Variants in TGFBRAP1 observed in about 807,000 individuals in gnomAD.
TGFBRAP1 encodes transforming growth factor-beta receptor-associated protein 1.
TGFBRAP1 carries 20 observed loss-of-function variants against 83.2 expected under a neutral mutation model. That is an observed-to-expected ratio of 0.24 (90% CI 0.17 to 0.35). The LOEUF (loss-of-function observed/expected upper bound fraction) is 0.35, where lower values mean the gene tolerates loss of function less well. TGFBRAP1 is among the 10% of genes least tolerant of loss of function. The pLI is 1.00. For missense variants in TGFBRAP1, 950 were observed against 1,099.4 expected (o/e 0.86, Z 1.92); for synonymous variants, 415 against 459.8 (o/e 0.90, Z 1.25).
chr2:105,301,745 T>G (rs1304024310), intron 2 of TGFBRAP1, among the ~76,000 whole-genome samples: 11 of 152,180 alleles, frequency 7.2e-5, no homozygotes. Flanking sequence ...TTTTTCTTTT[T>G]GAGATGGGGT....
intron 6 of TGFBRAP1, among the ~76,000 whole-genome samples, chr2:105,278,998 T>C (rs1677440872): frequency 6.6e-6 from 1 of 152,130 alleles, no homozygotes. Flanking sequence ...CCAGGGTCTC[T>C]GTGGGAGTTC....
intron 5 of TGFBRAP1, among the ~76,000 whole-genome samples, chr2:105,284,105 C>A (rs551741835): frequency 6.6e-6 from 1 of 152,150 alleles, no homozygotes; most frequent in Non-Finnish European, 1.5e-5. Flanking sequence ...CACTCTAAGA[C>A]ATAGGCCAGT....
the TGFBRAP1 span, among the ~76,000 whole-genome samples, chr2:105,250,725 T>G: frequency 6.6e-6 from 1 of 151,936 alleles, no homozygotes; most frequent in Non-Finnish European, 1.5e-5. Flanking sequence ...ACTGTACTGC[T>G]GCCATCTCGG....
At chr2:105,315,797 T>G (rs926629643) in intron 1 of TGFBRAP1, among the ~76,000 whole-genome samples, 5 of 152,194 alleles carry the variant, frequency 3.3e-5, no homozygotes. Flanking sequence ...CAGCAGTTTT[T>G]TATAAACTTA....
At chr2:105,291,728 T>C (rs1361874508) in intron 4 of TGFBRAP1, among the ~76,000 whole-genome samples, 1 of 152,032 alleles carries the variant, frequency 6.6e-6, no homozygotes, top group East Asian at 1.9e-4. Flanking sequence ...GTCAAATTCA[T>C]AGAGACAGAA....
chr2:105,253,017 G>C, the TGFBRAP1 span, among the ~76,000 whole-genome samples: 1 of 152,152 alleles, frequency 6.6e-6, no homozygotes, highest in Non-Finnish European at 1.5e-5. Context: ...GCCTCCCAAA[G>C]AGCTGGGATT....
chr2:105,299,489 C>A (rs1248683844), intron 2 of TGFBRAP1, among the ~76,000 whole-genome samples: 1 of 152,000 alleles, frequency 6.6e-6, no homozygotes, highest in Non-Finnish European at 1.5e-5. Context: ...ATAACATCGC[C>A]CAGCCTCACC....
chr2:105,260,840 C>T (rs954233783), downstream of TGFBRAP1, among the ~76,000 whole-genome samples: 6 of 152,056 alleles, frequency 3.9e-5, no homozygotes, highest in African/African-American at 1.4e-4. Flanking sequence ...TATAGCCAGG[C>T]CAGTAATATG....
chr2:105,290,323 T>A (rs1558639536), intron 4 of TGFBRAP1, among the ~76,000 whole-genome samples: 1 of 152,314 alleles, frequency 6.6e-6, no homozygotes, highest in Admixed American at 6.5e-5. Flanking sequence ...TGTCTCAGCC[T>A]CCCAAAGTGC....
At chr2:105,297,615 G>A (rs1343582509) in intron 3 of TGFBRAP1, among the ~76,000 whole-genome samples, 3 of 152,192 alleles carry the variant, frequency 2.0e-5, no homozygotes, top group African/African-American at 4.8e-5. Flanking sequence ...ATCTAGATTC[G>A]TTCCTGGTTG....
chr2:105,316,477 GCGCA>G (rs144273288), intron 1 of TGFBRAP1, among the ~76,000 whole-genome samples: 3,625 of 68,786 alleles, frequency 0.053, 90 homozygotes, highest in East Asian at 0.11. Context: ...GCGCGCGCGC[GCGCA>G]CGCGCACATA....
At chr2:105,312,025 C>T (rs1678711500) in intron 1 of TGFBRAP1, among the ~76,000 whole-genome samples, 1 of 151,898 alleles carries the variant, frequency 6.6e-6, no homozygotes, top group South Asian at 2.1e-4. Context: ...AAAAGATAAA[C>T]TTTAGGCCAC....
intron 1 of TGFBRAP1, among the ~76,000 whole-genome samples, 192 bp from the exon 2 acceptor site, chr2:105,308,510 C>T (rs1003239379): frequency 1.3e-5 from 2 of 152,096 alleles, no homozygotes; most frequent in Non-Finnish European, 2.9e-5. Flanking sequence ...AAGAAGAAAA[C>T]CACAGACACA....
chr2:105,273,140 T>TG (rs1677218884), intron 9 of TGFBRAP1, 126 bp from the exon 10 acceptor site: 10 of 1,220,596 alleles, frequency 8.2e-6, no homozygotes, highest in Non-Finnish European at 1.1e-5. Flanking sequence ...GATGCTCACT[T>TG]GCTGGATCGA....
intron 1 of TGFBRAP1, among the ~76,000 whole-genome samples, chr2:105,314,249 CTTT>C (rs1198445714): frequency 3.4e-5 from 4 of 118,630 alleles, no homozygotes; most frequent in Admixed American, 8.8e-5. Flanking sequence ...AGTACTTTCT[CTTT>C]TTTTTTTTTT....
the TGFBRAP1 span, among the ~76,000 whole-genome samples, chr2:105,253,586 C>T: frequency 1.7e-4 from 26 of 152,274 alleles, no homozygotes; most frequent in African/African-American, 5.5e-4. Flanking sequence ...CGTGTGCCAC[C>T]ATGCCTGGCT....
the TGFBRAP1 span, among the ~76,000 whole-genome samples, chr2:105,253,487 A>G: frequency 1.3e-5 from 2 of 152,086 alleles, no homozygotes; most frequent in African/African-American, 4.8e-5. Context: ...GCTGGAATAC[A>G]GTGGCGTGAT....
intron 7 of TGFBRAP1, among the ~76,000 whole-genome samples, chr2:105,277,132 C>T (rs147765675): frequency 3.5e-4 from 54 of 152,254 alleles, no homozygotes; most frequent in African/African-American, 1.1e-3. Flanking sequence ...CAATGGAGCG[C>T]GGTTCAGATC....
intron 10 of TGFBRAP1, among the ~76,000 whole-genome samples, chr2:105,270,140 C>T (rs115989910): frequency 6.6e-6 from 1 of 152,122 alleles, no homozygotes; most frequent in Non-Finnish European, 1.5e-5. Flanking sequence ...CTACTTCCCC[C>T]CAAAAGATGT....
Sources: allele counts gnomAD v4.1 joint callset (sites outside exome capture counted in the v4.1 genomes callset), GRCh38; gene constraint gnomAD v4.1.1; transcripts MANE v1.5; gene names NCBI Gene and HGNC (gene_info 2026-07-23, HGNC 2026-07-21).